KCNN1: variants seen among roughly 807,000 people sequenced by gnomAD.
KCNN1 encodes the protein small conductance calcium-activated potassium channel protein 1.
KCNN1 carries 20 observed loss-of-function variants against 44.7 expected under a neutral mutation model. The ratio of observed to expected loss-of-function variants is 0.45; its 90% CI spans 0.32 to 0.65. KCNN1 has a LOEUF of 0.65. KCNN1 is among the 30% of genes least tolerant of loss of function. The probability of loss-of-function intolerance (pLI) is 0.05; values close to 1 mark genes in which losing one functional copy is unlikely to be tolerated. For synonymous variants in KCNN1, 324 were observed against 341.7 expected, an observed-to-expected ratio of 0.95 and a Z score of 0.57; for missense variants, 632 against 785.3, an observed-to-expected ratio of 0.80 and a Z score of 2.33.
In KCNN1 at chr19:17,999,916, T is replaced by G. The variant is rs1599388756; in HGVS notation, c.*1510T>G. Reference sequence around the variant, plus strand: ...GCTGGTCAGACCCGGGTTCGAGTCCTGACTCTGCCACTGCTGGGTGACTCT... The same window carrying G: ...GCTGGTCAGACCCGGGTTCGAGTCCGGACTCTGCCACTGCTGGGTGACTCT... On this transcript the variant is annotated 3_prime_UTR_variant, in exon 10 of 10. Coordinates refer to ENST00000684775, the MANE Select transcript of KCNN1 (RefSeq NM_001386974.1). The G allele has an allele frequency of 2.2e-6, 1 of 454,862 alleles. No individual in the cohort carries two copies. Among genetic ancestry groups the G allele is most frequent in the Non-Finnish European group, 4.4e-6 (1 of 226,394 alleles). The allele number at this position is 454,862 out of a possible 1,614,324, so 28.2% of individuals were successfully genotyped here.
intron 2 of KCNN1, among the ~76,000 whole-genome samples, chr19:17,957,380 G>C (rs1017124687): frequency 2.6e-5 from 4 of 151,558 alleles, no homozygotes; most frequent in African/African-American, 9.7e-5. Context: ...AGGGAGGGAA[G>C]GAAGAAAATT....
In KCNN1 at chr19:17,983,728, G is replaced by C. The variant is rs989749828; in HGVS notation, c.918-1584G>C. Among the ~76,000 whole-genome samples the C allele has an allele frequency of 6.6e-6, 1 of 151,990 alleles. No homozygotes were observed. Among genetic ancestry groups the C allele is most frequent in the African/African-American group, 2.4e-5 (1 of 41,380 alleles). Reference sequence around the variant, plus strand: ...CGCATGTCCCCCAGCCGTGCTCCTGGGTGGTCCCGCGGCACCCCCCACCAT... The same window carrying C: ...CGCATGTCCCCCAGCCGTGCTCCTGCGTGGTCCCGCGGCACCCCCCACCAT... On this transcript the variant is annotated intron_variant, in intron 4 of 9. Transcript: ENST00000684775. The surrounding 1 kb of genome is among the most constrained non-coding windows in gnomAD (Gnocchi z 4.5).
intron 3 of KCNN1, among the ~76,000 whole-genome samples, chr19:17,980,200 T>G (rs1029815498): frequency 1.4e-5 from 2 of 146,878 alleles, no homozygotes; most frequent in Non-Finnish European, 3.0e-5. Context: ...AGGCTGAGAT[T>G]ACAGGCACCC....
chr19:17,994,887 G>A (rs2032930679), intron 9 of KCNN1, among the ~76,000 whole-genome samples: 2 of 152,164 alleles, frequency 1.3e-5, no homozygotes, highest in South Asian at 4.1e-4. Flanking sequence ...ATGTGTCACT[G>A]GACCAGTTGC....
At chr19:17,986,209 C>T (rs562496986) in intron 5 of KCNN1, among the ~76,000 whole-genome samples, 31 of 150,084 alleles carry the variant, frequency 2.1e-4, no homozygotes, top group Non-Finnish European at 3.1e-4. Flanking sequence ...ACTAAAAATA[C>T]AAAATTAGCC....
upstream of KCNN1, among the ~76,000 whole-genome samples, chr19:17,964,031 AG>A (rs2031742547): frequency 6.6e-6 from 1 of 152,162 alleles, no homozygotes; most frequent in South Asian, 2.1e-4. This position sits in a 1 kb window ranked among gnomAD's most constrained non-coding sequence, Gnocchi z 4.3. Flanking sequence ...CAGCTTCAAG[AG>A]GGGCACGGTT....
At chr19:17,966,039 T>G (rs370571015), upstream of KCNN1, among the ~76,000 whole-genome samples, 8,545 of 120,824 alleles carry the variant, frequency 0.071, 346 homozygotes, top group East Asian at 0.19. Context: ...CTTCCTTCCT[T>G]CCTTCCTTCC....
intron 2 of KCNN1, among the ~76,000 whole-genome samples, chr19:17,959,370 G>C (rs1338123125): frequency 6.6e-6 from 1 of 151,860 alleles, no homozygotes; most frequent in African/African-American, 2.4e-5. Context: ...GTGATTCTCT[G>C]CCTCAGGCTC....
rs115468530 is a variant in KCNN1 at position 17,997,068 on chromosome 19, C to T, written c.1378-1084C>T. On this transcript the variant is annotated intron_variant, in intron 9 of 9. Coordinates refer to ENST00000684775, the MANE Select transcript of KCNN1 (RefSeq NM_001386974.1). ...GCACCCAGGACTGTCCCTGCCTGGC[C>T]GGCCTCCCCTGCCCATAGGGGGACA... 6.7e-3 allele frequency among the ~76,000 whole-genome samples: 1,025 copies of T among 152,292 alleles called. 8 individuals are homozygous for T. Among genetic ancestry groups the T allele is most frequent in the African/African-American group, 0.024 (996 of 41,560 alleles).
upstream of KCNN1, among the ~76,000 whole-genome samples, chr19:17,966,018 TGCC>T (rs2031795940): frequency 3.9e-4 from 47 of 120,254 alleles, no homozygotes; most frequent in South Asian, 1.0e-3. Flanking sequence ...CCTGCCTGCC[TGCC>T]TGCCTTCCTT....
At chr19:17,963,494 T>C (rs150757318), upstream of KCNN1, among the ~76,000 whole-genome samples, 251 of 152,126 alleles carry the variant, frequency 1.6e-3, 2 homozygotes, top group African/African-American at 5.7e-3. Flanking sequence ...TTTTGTATTT[T>C]TGGTAGAGAC....
At position 17,995,622 on chromosome 19, in the gene KCNN1, G is replaced by A. The variant is rs139058782; in HGVS notation, c.1377+2063G>A. 8.2e-3 allele frequency among the ~76,000 whole-genome samples: 1,248 copies of A among 152,236 alleles called. 9 individuals are homozygous for A. Among genetic ancestry groups the A allele is most frequent in the African/African-American group, 0.027 (1,140 of 41,530 alleles). On this transcript the variant is annotated intron_variant, in intron 9 of 9. Coordinates refer to ENST00000684775, the MANE Select transcript of KCNN1 (RefSeq NM_001386974.1). ...TCTTTTTGAGACAGAGTCTCACTCT[G>A]TTGCCCAGGCTGGAGTGCAGAGGTG...
upstream of KCNN1, among the ~76,000 whole-genome samples, chr19:17,966,047 T>G (rs535729506): frequency 8.1e-4 from 121 of 149,698 alleles, no homozygotes; most frequent in African/African-American, 1.4e-3. Context: ...CTTCCTTCCT[T>G]CCTTCCTTCC....
At chr19:17,973,246 G>T (rs1325366409) in intron 1 of KCNN1, among the ~76,000 whole-genome samples, 1 of 152,200 alleles carries the variant, frequency 6.6e-6, no homozygotes, top group East Asian at 1.9e-4. Flanking sequence ...GTGATTACAA[G>T]TGTGCACCAC....
In KCNN1 at chr19:17,976,953, G is replaced by T. The variant is rs142698354; in HGVS notation, c.498+1766G>T. ...CTGGTCTCGAACTCCTGACCTCAGG[G>T]TGATCCTCCCACCTTGGCCTCCCAA... On this transcript the variant is annotated intron_variant, in intron 3 of 9. Transcript: ENST00000684775. 8.4e-3 allele frequency among the ~76,000 whole-genome samples: 1,272 copies of T among 152,094 alleles called. 9 individuals carry two copies. The highest frequency in any genetic ancestry group is 0.028 in the African/African-American group (1,165 of 41,482).
intron 5 of KCNN1, 95 bp downstream of exon 5, chr19:17,985,548 C>A: frequency 2.5e-6 from 3 of 1,191,460 alleles, no homozygotes; most frequent in Non-Finnish European, 2.3e-6. Context: ...GGGTGCTCAT[C>A]CCATCACGAG....
chr19:17,959,551 C>T (rs1230889431), intron 2 of KCNN1, among the ~76,000 whole-genome samples: 2 of 151,966 alleles, frequency 1.3e-5, no homozygotes. Flanking sequence ...CCACCGCACC[C>T]GGTTATATTT....
intron 1 of KCNN1, among the ~76,000 whole-genome samples, chr19:17,968,587 G>A (rs554673566): frequency 1.4e-3 from 216 of 152,216 alleles, no homozygotes; most frequent in Non-Finnish European, 2.5e-3. Flanking sequence ...GCCTGACTGG[G>A]ATTCTGTCTC....
Position 17,983,383 on chromosome 19 carries a change from G to A in KCNN1, c.917+1256G>A, listed in dbSNP as rs1188708242. On this transcript the variant is annotated intron_variant, in intron 4 of 9. Transcript: ENST00000684775. The surrounding 1 kb of genome is among the most constrained non-coding windows in gnomAD (Gnocchi z 4.5). Reference sequence around the variant, plus strand: ...CAGCCCCCACCCCCCATACTCCCACGGGCCCTGCCTGGGCATGAGGCCTGG... The same window carrying A: ...CAGCCCCCACCCCCCATACTCCCACAGGCCCTGCCTGGGCATGAGGCCTGG... 6.9e-6 allele frequency among the ~76,000 whole-genome samples: 1 copy of A among 144,364 alleles called. No individual in the cohort carries two copies. The highest frequency in any genetic ancestry group is 2.2e-4 in the East Asian group (1 of 4,474). 94.7% of individuals were successfully genotyped at this position (144,364 alleles called of 152,430 possible).
Sources: allele counts gnomAD v4.1 joint callset (sites outside exome capture counted in the v4.1 genomes callset), GRCh38; gene constraint gnomAD v4.1.1; non-coding constraint Gnocchi (gnomAD v3.1); transcripts MANE v1.5; gene names NCBI Gene and HGNC (gene_info 2026-07-23, HGNC 2026-07-21).